The following RALYL variants were observed in gnomAD, a reference collection of about 807,000 sequenced individuals.
RALYL encodes the protein RNA-binding Raly-like protein.
A neutral mutation model predicts 35.1 loss-of-function variants in RALYL; 29 were observed. The observed-to-expected ratio is 0.83, with a 90% CI of 0.61 to 1.13. RALYL has a LOEUF of 1.13. Ranked by LOEUF, RALYL falls within the 50% of genes most tolerant of loss-of-function variation. RALYL has a pLI of 0.00. For synonymous variants in RALYL, 120 were observed against 127.6 expected (o/e 0.94, Z 0.40); for missense variants, 359 against 360.4 (o/e 1.00, Z 0.03).
chr8:84,551,983 C>T (rs1239253297), intron 2 of RALYL, among the ~76,000 whole-genome samples: 1 of 151,658 alleles, frequency 6.6e-6, no homozygotes, highest in African/African-American at 2.4e-5. Context: ...TACAGAATAA[C>T]AGGAAAAAAA....
intron 1 of RALYL, among the ~76,000 whole-genome samples, chr8:84,512,393 A>T: frequency 6.6e-6 from 1 of 151,066 alleles, no homozygotes; most frequent in East Asian, 1.9e-4. Flanking sequence ...TTTTAATGTG[A>T]TTGTTTTCTT....
chr8:84,575,965 A>G (rs1809313238), intron 2 of RALYL, among the ~76,000 whole-genome samples: 1 of 151,694 alleles, frequency 6.6e-6, no homozygotes, highest in South Asian at 2.1e-4. Flanking sequence ...TTGTCTCAAA[A>G]AAAAAAAAAA....
At chr8:84,544,242 C>T (rs532735394) in intron 2 of RALYL, among the ~76,000 whole-genome samples, 9 of 151,778 alleles carry the variant, frequency 5.9e-5, no homozygotes, top group Non-Finnish European at 8.8e-5. Flanking sequence ...GATACTTACA[C>T]GATTCCAAAA....
intron 1 of RALYL, among the ~76,000 whole-genome samples, chr8:84,362,820 A>G (rs1853355498): frequency 6.6e-6 from 1 of 152,168 alleles, no homozygotes; most frequent in African/African-American, 2.4e-5. Flanking sequence ...ATTTGAGAAT[A>G]TATTGAAGGC....
intron 4 of RALYL, among the ~76,000 whole-genome samples, chr8:84,824,676 T>C (rs1050808425): frequency 3.9e-5 from 6 of 152,004 alleles, no homozygotes; most frequent in Admixed American, 1.3e-4. Flanking sequence ...AATAGACCCA[T>C]GGAACAGAAT....
chr8:84,892,630 A>G (rs987770296), intron 8 of RALYL, among the ~76,000 whole-genome samples: 3 of 150,016 alleles, frequency 2.0e-5, no homozygotes, highest in African/African-American at 7.5e-5. Context: ...AAAAAAAACC[A>G]ACATGGCACA....
chr8:84,912,330 C>A (rs765500720), intron 8 of RALYL, among the ~76,000 whole-genome samples: 3 of 152,036 alleles, frequency 2.0e-5, no homozygotes, highest in East Asian at 1.9e-4. Flanking sequence ...GTTTTAGGAG[C>A]TCTGTGCTAG....
chr8:84,810,188 A>G (rs1372609660), intron 4 of RALYL, among the ~76,000 whole-genome samples: 1 of 152,016 alleles, frequency 6.6e-6, no homozygotes, highest in Non-Finnish European at 1.5e-5. Context: ...TTGTGTCATT[A>G]TTGTCGTTCA....
At chr8:84,682,011 C>T (rs1001081626) in intron 2 of RALYL, among the ~76,000 whole-genome samples, 5 of 152,114 alleles carry the variant, frequency 3.3e-5, no homozygotes, top group Admixed American at 1.3e-4. Flanking sequence ...TGAGATACGT[C>T]CCATCAATAC....
intron 4 of RALYL, among the ~76,000 whole-genome samples, chr8:84,816,054 A>G (rs1487684323): frequency 2.0e-5 from 3 of 146,560 alleles, no homozygotes; most frequent in Non-Finnish European, 4.5e-5. Flanking sequence ...AAAAAAAAAG[A>G]AAAAAAGAAA....
At chr8:84,578,415 T>C (rs1455366877) in intron 2 of RALYL, among the ~76,000 whole-genome samples, 1 of 152,204 alleles carries the variant, frequency 6.6e-6, no homozygotes, top group African/African-American at 2.4e-5. Context: ...TTCCTTCTAG[T>C]TGCCTGCAAT....
At chr8:84,589,289 A>C (rs1812702506) in intron 2 of RALYL, among the ~76,000 whole-genome samples, 1 of 152,228 alleles carries the variant, frequency 6.6e-6, no homozygotes, top group Admixed American at 6.5e-5. Flanking sequence ...AGAAAATCTT[A>C]AACATATGGA....
intron 1 of RALYL, among the ~76,000 whole-genome samples, chr8:84,301,316 T>A (rs576288297): frequency 9.2e-5 from 14 of 151,702 alleles, no homozygotes; most frequent in East Asian, 3.9e-4. Context: ...TTAAAAAAAA[T>A]TTTTTTTTAC....
intron 8 of RALYL, among the ~76,000 whole-genome samples, chr8:84,916,135 TAATGTTAA>T (rs1243141831): frequency 6.6e-6 from 1 of 152,144 alleles, no homozygotes; most frequent in Non-Finnish European, 1.5e-5. Flanking sequence ...AGGAGGAACT[TAATGTTAA>T]AATAAATTTA....
chr8:84,226,577 C>T (rs910228271), intron 1 of RALYL, among the ~76,000 whole-genome samples: 2 of 149,970 alleles, frequency 1.3e-5, no homozygotes, highest in Non-Finnish European at 3.0e-5. Flanking sequence ...AGTGTATATA[C>T]ATATATGAAA....
chr8:84,258,281 T>A (rs73688466), intron 1 of RALYL, among the ~76,000 whole-genome samples: 4,273 of 152,232 alleles, frequency 0.028, 209 homozygotes, highest in African/African-American at 0.096. Context: ...TAAAAATGCG[T>A]GGCATAATTA....
chr8:84,425,067 G>T (rs2046199432), intron 1 of RALYL, among the ~76,000 whole-genome samples: 1 of 152,316 alleles, frequency 6.6e-6, no homozygotes, highest in South Asian at 2.1e-4. Flanking sequence ...TTGAGCTGTG[G>T]TGGGCTCCAC....
chr8:84,335,871 C>T (rs1847716730), intron 1 of RALYL, among the ~76,000 whole-genome samples: 1 of 151,978 alleles, frequency 6.6e-6, no homozygotes, highest in African/African-American at 2.4e-5. Flanking sequence ...GCCCTTGAAA[C>T]ATCCAGGATA....
chr8:84,718,909 T>C (rs893382676), intron 2 of RALYL, among the ~76,000 whole-genome samples: 17 of 152,310 alleles, frequency 1.1e-4, no homozygotes, highest in Admixed American at 4.6e-4. Context: ...TAGTATATGA[T>C]ACTGAAAATT....
Sources: allele counts gnomAD v4.1 joint callset (sites outside exome capture counted in the v4.1 genomes callset), GRCh38; gene constraint gnomAD v4.1.1; transcripts MANE v1.5; gene names NCBI Gene and HGNC (gene_info 2026-07-23, HGNC 2026-07-21).